The following MGST1 variants were observed in gnomAD, a reference collection of about 807,000 sequenced individuals.
The protein encoded by MGST1 is glutathione S-transferase 12.
Under a neutral mutation model 8.9 loss-of-function variants are expected in MGST1, and 5 were observed. That is an observed-to-expected ratio of 0.56 (90% CI 0.29 to 1.19). The LOEUF is 1.19. MGST1 is among the 50% of genes most tolerant of loss of function. The probability of loss-of-function intolerance (pLI) is 0.08; values close to 1 mark genes in which losing one functional copy is unlikely to be tolerated. For synonymous variants in MGST1, 54 were observed against 67.8 expected, an observed-to-expected ratio of 0.80 and a Z score of 1.00; for missense variants, 182 against 187.4, an observed-to-expected ratio of 0.97 and a Z score of 0.17.
At chr12:16,368,153 T>C (rs1165254339), downstream of MGST1, among the ~76,000 whole-genome samples, 1 of 152,088 alleles carries the variant, frequency 6.6e-6, no homozygotes, top group Non-Finnish European at 1.5e-5. Context: ...CGATCTAACA[T>C]TCAATGATTC....
chr12:16,401,732 G>A lies in MGST1; in HGVS notation n.778+18128G>A, dbSNP rs1940656811. The A allele has an allele frequency of 9.4e-6, 15 of 1,600,638 alleles. No homozygotes were observed. The highest frequency in any genetic ancestry group is 2.7e-5 in the African/African-American group (2 of 74,754). ...CAGTAGAAGGGTCTGCCCCAGCAAG[G>A]TATTTTTTCTCTTCAACGGCCTTTT... On this transcript the variant is annotated intron_variant and non_coding_transcript_variant, in intron 1 of 1. Transcript: ENST00000359720. The surrounding 1 kb of genome is among the most constrained non-coding windows in gnomAD (Gnocchi z 4.3).
intron 4 of MGST1, among the ~76,000 whole-genome samples, chr12:16,575,542 A>G (rs1393701937): frequency 6.6e-6 from 1 of 152,224 alleles, no homozygotes; most frequent in Non-Finnish European, 1.5e-5. Context: ...AGCATTTGAC[A>G]CGAGTTATTT....
At chr12:16,366,006 T>C (rs1311363096), downstream of MGST1, among the ~76,000 whole-genome samples, 1 of 152,234 alleles carries the variant, frequency 6.6e-6, no homozygotes, top group African/African-American at 2.4e-5. This position sits in a 1 kb window ranked among gnomAD's most constrained non-coding sequence, Gnocchi z 4.0. Flanking sequence ...CATTATCACG[T>C]CTTTCATCGT....
chr12:16,530,245 G>GT (rs1941713795), intron 4 of MGST1, among the ~76,000 whole-genome samples: 1 of 152,090 alleles, frequency 6.6e-6, no homozygotes, highest in South Asian at 2.1e-4. Context: ...AATTGATTAA[G>GT]TTTTTATCAT....
At chr12:16,533,052 C>T (rs1941731882) in intron 4 of MGST1, among the ~76,000 whole-genome samples, 1 of 152,156 alleles carries the variant, frequency 6.6e-6, no homozygotes, top group Admixed American at 6.5e-5. Flanking sequence ...CCCTCTTCCT[C>T]CTGCCACTTT....
intron 4 of MGST1, among the ~76,000 whole-genome samples, chr12:16,578,471 T>A (rs1164904143): frequency 6.6e-6 from 1 of 152,164 alleles, no homozygotes; most frequent in African/African-American, 2.4e-5. Flanking sequence ...GGTCTCAGGC[T>A]GGCCCATGCT....
downstream of MGST1, among the ~76,000 whole-genome samples, chr12:16,369,042 C>T (rs1392309353): frequency 1.3e-5 from 2 of 152,062 alleles, no homozygotes; most frequent in African/African-American, 4.8e-5. The surrounding 1 kb of genome is among the most constrained non-coding windows in gnomAD (Gnocchi z 4.8). Context: ...GTCTTTTAGC[C>T]TAAGTCATTC....
intron 1 of MGST1, among the ~76,000 whole-genome samples, chr12:16,433,920 C>CT (rs1376043512): frequency 6.6e-6 from 1 of 152,054 alleles, no homozygotes; most frequent in Admixed American, 6.6e-5. Flanking sequence ...AATTTTCCAT[C>CT]TTATCAGAAT....
downstream of MGST1, among the ~76,000 whole-genome samples, chr12:16,440,784 T>C (rs772493293): frequency 6.6e-6 from 1 of 151,832 alleles, no homozygotes; most frequent in Non-Finnish European, 1.5e-5. Context: ...TGTTGAGTTA[T>C]AGAATTGGTT....
intron 4 of MGST1, among the ~76,000 whole-genome samples, chr12:16,524,826 A>G (rs1941671972): frequency 6.6e-6 from 1 of 152,058 alleles, no homozygotes; most frequent in Admixed American, 6.6e-5. Context: ...ATAATTATAT[A>G]TTAGTCTTGA....
chr12:16,414,060 T>C (rs1241770769), intron 1 of MGST1, among the ~76,000 whole-genome samples: 1 of 137,156 alleles, frequency 7.3e-6, no homozygotes, highest in Non-Finnish European at 1.7e-5. Flanking sequence ...TCTGGTTTTA[T>C]ACAAAAAAAA....
chr12:16,460,241 C>A (rs547380638), intron 4 of MGST1, among the ~76,000 whole-genome samples: 1 of 152,178 alleles, frequency 6.6e-6, no homozygotes, highest in South Asian at 2.1e-4. Flanking sequence ...TGGATGAAAA[C>A]CTAAATGTCC....
downstream of MGST1, among the ~76,000 whole-genome samples, chr12:16,378,060 G>T (rs1940408327): frequency 6.6e-6 from 1 of 151,962 alleles, no homozygotes; most frequent in Non-Finnish European, 1.5e-5. Flanking sequence ...TTTGTCAGAT[G>T]AGTAGGTTGC....
intron 4 of MGST1, among the ~76,000 whole-genome samples, chr12:16,490,113 A>T (rs1345043544): frequency 6.6e-6 from 1 of 152,064 alleles, no homozygotes; most frequent in African/African-American, 2.4e-5. Flanking sequence ...GAAAAAAAAA[A>T]GTAGCTGGGC....
At chr12:16,538,656 T>G (rs1213281734) in intron 4 of MGST1, among the ~76,000 whole-genome samples, 1 of 148,954 alleles carries the variant, frequency 6.7e-6, no homozygotes, top group Non-Finnish European at 1.5e-5. Context: ...TCACCCAGGC[T>G]GGAGTGCCGT....
chr12:16,574,140 C>G (rs1942918237), intron 4 of MGST1, among the ~76,000 whole-genome samples: 1 of 152,062 alleles, frequency 6.6e-6, no homozygotes, highest in Admixed American at 6.6e-5. Context: ...TATAAAAATG[C>G]AACACCACCA....
At chr12:16,493,550 C>G (rs1423392098) in intron 4 of MGST1, among the ~76,000 whole-genome samples, 1 of 152,116 alleles carries the variant, frequency 6.6e-6, no homozygotes, top group Non-Finnish European at 1.5e-5. Flanking sequence ...TTCAATTGGC[C>G]AAGTCCTGAT....
chr12:16,585,170 A>G lies in MGST1; in HGVS notation n.483-4358A>G, dbSNP rs1943278993. On this transcript the variant is annotated intron_variant and non_coding_transcript_variant, in intron 4 of 4. Transcript: ENST00000538857. The surrounding 1 kb of genome is among the most constrained non-coding windows in gnomAD (Gnocchi z 4.7). ...CATGCAAGCCCCAGTTCACAACGTT[A>G]TTTTTCCTTCCAGACTCCGGAACCT... Among the ~76,000 whole-genome samples, 1 of 152,054 alleles carries G rather than the reference A, an allele frequency of 6.6e-6. No individual in the cohort carries two copies. The highest frequency in any genetic ancestry group is 1.5e-5 in the Non-Finnish European group (1 of 68,022).
In MGST1 at chr12:16,587,827, A is replaced by T. The variant is rs1943368774; in HGVS notation, n.483-1701A>T. 6.6e-6 allele frequency among the ~76,000 whole-genome samples: 1 copy of T among 152,070 alleles called. No homozygotes were observed. Among genetic ancestry groups the T allele is most frequent in the Admixed American group, 6.6e-5 (1 of 15,238 alleles). ...AATGGGGGGTTTCAGGGGGAGGGAG[A>T]GGAACCTTGTCTCATATTAATGCTG... is the stretch of plus-strand genomic sequence containing the variant. On this transcript the variant is annotated intron_variant and non_coding_transcript_variant, in intron 4 of 4. Transcript: ENST00000538857. This position sits in a 1 kb window ranked among gnomAD's most constrained non-coding sequence, Gnocchi z 4.3.
Sources: allele counts gnomAD v4.1 joint callset (sites outside exome capture counted in the v4.1 genomes callset), GRCh38; gene constraint gnomAD v4.1.1; non-coding constraint Gnocchi (gnomAD v3.1); transcripts MANE v1.5; gene names NCBI Gene and HGNC (gene_info 2026-07-23, HGNC 2026-07-21).